GRAMD2B: variants seen among roughly 807,000 people sequenced by gnomAD.
GRAMD2B encodes the protein GRAM domain containing 2B.
In GRAMD2B, 41 loss-of-function variants were observed where a neutral mutation model predicts 59.2. The ratio of observed to expected loss-of-function variants is 0.69; its 90% confidence interval spans 0.54 to 0.90. The LOEUF is 0.90. GRAMD2B is among the 40% of genes least tolerant of loss of function. The pLI, the probability that GRAMD2B is intolerant of heterozygous loss-of-function variation, is 0.00. For synonymous variants in GRAMD2B, 161 were observed against 182.7 expected, an observed-to-expected ratio of 0.88 and a Z score of 0.96; for missense variants, 424 against 500.5, an observed-to-expected ratio of 0.85 and a Z score of 1.46.
At chr5:126,382,281 T>C (rs1199951162) in intron 1 of GRAMD2B, among the ~76,000 whole-genome samples, 1 of 152,244 alleles carries the variant, frequency 6.6e-6, no homozygotes, top group Non-Finnish European at 1.5e-5. Context: ...CCCTCAAATA[T>C]GTTTTCCAAA....
At chr5:126,425,635 G>A (rs764019970) in intron 1 of GRAMD2B, among the ~76,000 whole-genome samples, 4 of 152,028 alleles carry the variant, frequency 2.6e-5, no homozygotes, top group Non-Finnish European at 4.4e-5. Context: ...GCATGATGGC[G>A]CACACCTGTG....
rs1769226401 is a variant in GRAMD2B, at chr5:126,469,910, G to A, written c.315+122G>A. 4 of 658,354 alleles carry A rather than the reference G, an allele frequency of 6.1e-6. No homozygotes were observed. In the East Asian group the frequency reaches 1.0e-4, roughly 17 times the overall value. The allele number at this position is 658,354 out of a possible 1,614,324, so 40.8% of individuals were successfully genotyped here. A position where few individuals can be genotyped will look rare whatever the true frequency, so the allele number is the denominator to read the frequency against. On this transcript the variant is annotated intron_variant, in intron 3 of 13. Transcript: ENST00000285689. ...AAGACTAATATAGGTATAGAGTTTA[G>A]AGAATTTAGAAGAACAAACAGGCAG...
chr5:126,385,653 A>G (rs910441645), intron 1 of GRAMD2B, among the ~76,000 whole-genome samples: 1 of 152,242 alleles, frequency 6.6e-6, no homozygotes. Context: ...TTATTGTGTA[A>G]TAAGGCACTA....
In GRAMD2B at chr5:126,481,209, AAG is replaced by A. The variant is rs769052895; in HGVS notation, c.735+504_735+505del. Among the ~76,000 whole-genome samples, 32 of 65,732 alleles carry A rather than the reference AAG, an allele frequency of 4.9e-4. 1 individual carries two copies. Among genetic ancestry groups the A allele is most frequent in the African/African-American group, 7.2e-4 (14 of 19,510 alleles). 43.1% of individuals were successfully genotyped at this position (65,732 alleles called of 152,430 possible). On this transcript the variant is annotated intron_variant, in intron 8 of 13. Coordinates refer to ENST00000285689, the MANE Select transcript of GRAMD2B (RefSeq NM_023927.4). Reference sequence around the variant, plus strand: ...TTAACTGTAAAAAAAAAAAAAAAGAAAGAAAGAAAGAAAGAAAGAAAGAAAGA... The same window carrying A: ...TTAACTGTAAAAAAAAAAAAAAAGAAAAAGAAAGAAAGAAAGAAAGAAAGA...
intron 1 of GRAMD2B, among the ~76,000 whole-genome samples, chr5:126,402,179 A>G (rs1416630699): frequency 6.6e-6 from 1 of 152,030 alleles, no homozygotes; most frequent in Non-Finnish European, 1.5e-5. Flanking sequence ...CTTTTTATGT[A>G]TCTGTAGGGC....
intron 1 of GRAMD2B, among the ~76,000 whole-genome samples, chr5:126,413,484 AT>A (rs970900133): frequency 2.6e-5 from 4 of 151,764 alleles, no homozygotes. Flanking sequence ...TATGATTTCA[AT>A]TTTTTTTAAT....
intron 1 of GRAMD2B, among the ~76,000 whole-genome samples, chr5:126,461,126 A>G (rs1338657961): frequency 1.3e-5 from 2 of 152,170 alleles, no homozygotes; most frequent in Non-Finnish European, 2.9e-5. Flanking sequence ...GTTTTCCTTC[A>G]CCTGAGACAC....
chr5:126,385,142 A>G (rs1410877058), intron 1 of GRAMD2B, among the ~76,000 whole-genome samples: 3 of 152,312 alleles, frequency 2.0e-5, no homozygotes, highest in East Asian at 1.9e-4. Flanking sequence ...GCTCAGCAGA[A>G]CATTCAGGGC....
rs554121161 is a variant in GRAMD2B at position 126,475,735 on chromosome 5, C to T, written c.487-1957C>T. ...AATCCAGCACTTTGGGAGGCCAAGG[C>T]GGGCGGATCACCTGAGGTCGGGCGT... On this transcript the variant is annotated intron_variant, in intron 5 of 13. Transcript: ENST00000285689. Among the ~76,000 whole-genome samples, 11 of 152,268 alleles carry T rather than the reference C, an allele frequency of 7.2e-5. No homozygotes were observed. In the East Asian group the frequency reaches 1.2e-3, roughly 16 times the overall value.
At chr5:126,468,124 T>C (rs1010348064) in intron 2 of GRAMD2B, among the ~76,000 whole-genome samples, 2 of 152,218 alleles carry the variant, frequency 1.3e-5, no homozygotes, top group African/African-American at 2.4e-5. Context: ...ATCATAAAAC[T>C]TATTCATATA....
intron 4 of GRAMD2B, among the ~76,000 whole-genome samples, chr5:126,472,560 TA>T (rs1454966813): frequency 1.3e-5 from 2 of 152,174 alleles, no homozygotes; most frequent in African/African-American, 4.8e-5. Context: ...TTCCCTTCTT[TA>T]TTTATTGCTG....
chr5:126,491,482 A>G (rs1218761186), intron 13 of GRAMD2B, among the ~76,000 whole-genome samples: 4 of 152,086 alleles, frequency 2.6e-5, no homozygotes, highest in Non-Finnish European at 5.9e-5. Context: ...CTGCTACTTC[A>G]GCTCCCTGGC....
At chr5:126,418,426 T>C (rs17596698), upstream of GRAMD2B, among the ~76,000 whole-genome samples, 2,477 of 152,348 alleles carry the variant, frequency 0.016, 39 homozygotes, top group Admixed American at 0.054. Context: ...TACAAAACTA[T>C]CCTCTGGCCC....
intron 6 of GRAMD2B, among the ~76,000 whole-genome samples, chr5:126,479,583 A>C (rs2126891696): frequency 6.6e-6 from 1 of 152,310 alleles, no homozygotes; most frequent in African/African-American, 2.4e-5. Flanking sequence ...TGAAAGTTAG[A>C]GGGGTTAAGC....
At chr5:126,395,442 C>T (rs1414184004) in intron 1 of GRAMD2B, among the ~76,000 whole-genome samples, 1 of 152,174 alleles carries the variant, frequency 6.6e-6, no homozygotes, top group Non-Finnish European at 1.5e-5. Context: ...TGGTCTGACA[C>T]AAGGCTGGGG....
intron 1 of GRAMD2B, among the ~76,000 whole-genome samples, chr5:126,383,005 C>T (rs554248809): frequency 2.0e-5 from 3 of 152,186 alleles, no homozygotes; most frequent in South Asian, 2.1e-4. Flanking sequence ...GGCTCTGGGC[C>T]GATACTGAGG....
At chr5:126,482,153 G>A (rs1274430483) in intron 8 of GRAMD2B, among the ~76,000 whole-genome samples, 2 of 152,134 alleles carry the variant, frequency 1.3e-5, no homozygotes, top group African/African-American at 4.8e-5. Flanking sequence ...GTCAACTAGT[G>A]GTTGCCAGAG....
chr5:126,363,840 G>C (rs1754326295), intron 1 of GRAMD2B, among the ~76,000 whole-genome samples: 1 of 152,196 alleles, frequency 6.6e-6, no homozygotes, highest in Non-Finnish European at 1.5e-5. Flanking sequence ...AGGATGGGCA[G>C]GGACTGCTCT....
At chr5:126,492,656 G>A (rs1235928411) in intron 13 of GRAMD2B, among the ~76,000 whole-genome samples, 5 of 152,086 alleles carry the variant, frequency 3.3e-5, no homozygotes, top group South Asian at 2.1e-4. Context: ...AGGAAGTCAG[G>A]GCTGCAGTGA....
Sources: allele counts gnomAD v4.1 joint callset (sites outside exome capture counted in the v4.1 genomes callset), GRCh38; gene constraint gnomAD v4.1.1; transcripts MANE v1.5; gene names NCBI Gene and HGNC (gene_info 2026-07-23, HGNC 2026-07-21).